The following PTPRG variants were observed in gnomAD, a reference collection of about 807,000 sequenced individuals.
The protein encoded by PTPRG is protein tyrosine phosphatase receptor type G, also known as receptor-type tyrosine-protein phosphatase gamma.
A neutral mutation model predicts 165.3 loss-of-function variants in PTPRG; 102 were observed. The ratio of observed to expected loss-of-function variants is 0.62; its 90% CI spans 0.53 to 0.73. The LOEUF (loss-of-function observed/expected upper bound fraction) is 0.73, where lower values mean the gene tolerates loss of function less well. Ranked by LOEUF, PTPRG falls within the 30% of genes least tolerant of loss-of-function variation. PTPRG has a pLI of 0.00. For missense variants in PTPRG, 1,866 were observed against 1,861.4 expected, an observed-to-expected ratio of 1.00 and a Z score of -0.05; for synonymous variants, 675 against 669.5, an observed-to-expected ratio of 1.01 and a Z score of -0.13.
At chr3:61,789,497 G>A (rs139381178) in intron 2 of PTPRG, among the ~76,000 whole-genome samples, 1 of 152,280 alleles carries the variant, frequency 6.6e-6, no homozygotes, top group East Asian at 1.9e-4. Flanking sequence ...ACACAGATGG[G>A]TAAGTGTAAA....
At chr3:61,888,590 C>CA (rs1230051082) in intron 2 of PTPRG, among the ~76,000 whole-genome samples, 2 of 152,146 alleles carry the variant, frequency 1.3e-5, no homozygotes, top group African/African-American at 4.8e-5. Context: ...CTTGGCCTCT[C>CA]AAAGTGCTGG....
intron 8 of PTPRG, among the ~76,000 whole-genome samples, chr3:62,177,033 G>A (rs1479632890): frequency 1.3e-5 from 2 of 151,810 alleles, no homozygotes; most frequent in African/African-American, 4.9e-5. Flanking sequence ...GGAGGCCAAG[G>A]TGGGAGGATC....
intron 3 of PTPRG, among the ~76,000 whole-genome samples, chr3:62,000,228 C>T (rs557495648): frequency 2.2e-4 from 32 of 143,840 alleles, no homozygotes; most frequent in African/African-American, 7.0e-4. Flanking sequence ...TTGCAGTGGG[C>T]GGTGATCACA....
intron 1 of PTPRG, among the ~76,000 whole-genome samples, chr3:61,728,108 C>T (rs887308752): frequency 2.1e-4 from 32 of 152,112 alleles, no homozygotes; most frequent in Non-Finnish European, 2.9e-4. Context: ...ATTTGCCTAG[C>T]GTGCTGGCAA....
chr3:61,652,607 T>TTAA (rs4016815), intron 1 of PTPRG, among the ~76,000 whole-genome samples: 150,313 of 152,190 alleles, frequency 0.99, 74,266 homozygotes, highest in East Asian at 1. Context: ...AATATTGTTG[T>TTAA]TAATGTTTCT....
At chr3:62,230,487 G>A (rs1186383443) in intron 13 of PTPRG, among the ~76,000 whole-genome samples, 1 of 152,144 alleles carries the variant, frequency 6.6e-6, no homozygotes, top group Non-Finnish European at 1.5e-5. Flanking sequence ...AAATCCTATA[G>A]CCCAGCTGGT....
chr3:62,268,767 A>G (rs1701965844), intron 19 of PTPRG, among the ~76,000 whole-genome samples: 1 of 152,196 alleles, frequency 6.6e-6, no homozygotes, highest in African/African-American at 2.4e-5. Flanking sequence ...AAAATGCATT[A>G]TAATGCAAAA....
chr3:62,180,672 G>C (rs1705611149), intron 8 of PTPRG, among the ~76,000 whole-genome samples: 1 of 152,182 alleles, frequency 6.6e-6, no homozygotes, highest in Non-Finnish European at 1.5e-5. Context: ...ATCAAGTGAG[G>C]CTGGGAAGAT....
chr3:61,702,915 A>G (rs2031051943), intron 1 of PTPRG, among the ~76,000 whole-genome samples: 2 of 152,226 alleles, frequency 1.3e-5, no homozygotes, highest in African/African-American at 4.8e-5. Context: ...TTAGGCTTTC[A>G]TGAGTAAAGC....
chr3:61,796,569 G>A (rs1043664420), intron 2 of PTPRG, among the ~76,000 whole-genome samples: 6 of 152,120 alleles, frequency 3.9e-5, no homozygotes, highest in African/African-American at 1.4e-4. Context: ...GACCATTGTG[G>A]CAAGGTCATA....
chr3:61,807,512 G>C (rs926278273), intron 2 of PTPRG, among the ~76,000 whole-genome samples: 8 of 152,118 alleles, frequency 5.3e-5, no homozygotes, highest in Admixed American at 5.2e-4. Context: ...TAACATTGTG[G>C]TCAATTTGGT....
intron 11 of PTPRG, among the ~76,000 whole-genome samples, chr3:62,202,646 G>A (rs1700120643): frequency 1.3e-5 from 2 of 152,226 alleles, no homozygotes; most frequent in Non-Finnish European, 2.9e-5. Flanking sequence ...TGTCATTGCA[G>A]ACCTGGGCAG....
Position 62,196,012 on chromosome 3 carries a change from A to T in PTPRG, c.1327+842A>T, listed in dbSNP as rs192604866. On this transcript the variant is annotated intron_variant, in intron 10 of 29. Coordinates refer to ENST00000474889, the MANE Select transcript of PTPRG (RefSeq NM_002841.4). ...ACCATGTTGGCCAGGCTGGTCTTGAACTCCTGACTTCGTGATCTGCCTGCC... is the reference window on the plus strand; with the variant it reads ...ACCATGTTGGCCAGGCTGGTCTTGATCTCCTGACTTCGTGATCTGCCTGCC... Among the ~76,000 whole-genome samples, 8 of 148,156 alleles carry T rather than the reference A, an allele frequency of 5.4e-5. No homozygotes were observed. In the East Asian group the frequency reaches 1.7e-3, roughly 31 times the overall value.
chr3:62,281,122 T>A (rs1441032603), intron 26 of PTPRG, among the ~76,000 whole-genome samples: 2 of 152,082 alleles, frequency 1.3e-5, no homozygotes, highest in African/African-American at 4.8e-5. Flanking sequence ...CAAGAAAACT[T>A]ACAGTGTTTA....
chr3:61,901,178 T>C (rs1247269049), intron 2 of PTPRG, among the ~76,000 whole-genome samples: 1 of 152,244 alleles, frequency 6.6e-6, no homozygotes, highest in Non-Finnish European at 1.5e-5. Flanking sequence ...ATAAACTTAA[T>C]GGCTTATGTT....
chr3:62,091,879 G>A (rs1312223219), intron 5 of PTPRG, among the ~76,000 whole-genome samples: 1 of 151,920 alleles, frequency 6.6e-6, no homozygotes, highest in Non-Finnish European at 1.5e-5. Flanking sequence ...CTAAAGGGAC[G>A]AGATACCCCC....
At chr3:62,126,432 A>C (rs1234520212) in intron 5 of PTPRG, among the ~76,000 whole-genome samples, 1 of 152,208 alleles carries the variant, frequency 6.6e-6, no homozygotes, top group Non-Finnish European at 1.5e-5. Context: ...CTGCGTTTGA[A>C]GTGGGGAGGG....
intron 2 of PTPRG, among the ~76,000 whole-genome samples, chr3:61,948,909 T>C (rs2107619578): frequency 6.6e-6 from 1 of 152,286 alleles, no homozygotes; most frequent in South Asian, 2.1e-4. Context: ...ATGTCTATGA[T>C]TATCTTTGTC....
At chr3:62,142,735 C>T (rs538870477) in intron 6 of PTPRG, among the ~76,000 whole-genome samples, 1 of 146,760 alleles carries the variant, frequency 6.8e-6, no homozygotes, top group South Asian at 2.3e-4. Context: ...TAAGAGGTAA[C>T]TCTGAGAGCA....
Sources: gnomAD v4.1 joint callset for allele counts (sites outside exome capture counted in the v4.1 genomes callset) on GRCh38, gnomAD v4.1.1 for gene constraint, MANE v1.5 for transcripts, NCBI Gene and HGNC (gene_info 2026-07-23, HGNC 2026-07-21) for gene names.